Variants in PDE8A observed in about 807,000 individuals in gnomAD.
PDE8A encodes the protein phosphodiesterase 8A.
Under a neutral mutation model 105.0 loss-of-function variants are expected in PDE8A, and 59 were observed. The ratio of observed to expected loss-of-function variants is 0.56; its 90% CI spans 0.46 to 0.70. PDE8A has a LOEUF of 0.70. Ranked by LOEUF, PDE8A falls within the 30% of genes least tolerant of loss-of-function variation. The pLI, the probability that PDE8A is intolerant of heterozygous loss-of-function variation, is 0.00. For synonymous variants in PDE8A, 355 were observed against 371.9 expected (o/e 0.95, Z 0.52); for missense variants, 1,014 against 1,045.9 (o/e 0.97, Z 0.42).
In PDE8A at chr15:84,982,141, T is replaced by A; in HGVS notation, c.-22T>A. 4 of 1,305,688 alleles carry A rather than the reference T, an allele frequency of 3.1e-6. No individual in the cohort carries two copies. Among genetic ancestry groups the A allele is most frequent in the Non-Finnish European group, 3.9e-6 (4 of 1,030,854 alleles). The allele number at this position is 1,305,688 out of a possible 1,614,324, so 80.9% of individuals were successfully genotyped here. ...ACCGGATCGCGGCTACCCGCCAGCGTGTCCGCGGCGCCGCCGCCAGCATGG... is the reference window on the plus strand; with the variant it reads ...ACCGGATCGCGGCTACCCGCCAGCGAGTCCGCGGCGCCGCCGCCAGCATGG... On this transcript the variant is annotated 5_prime_UTR_variant, in exon 1 of 22. Transcript: ENST00000394553.
Position 85,089,433 on chromosome 15 carries a change from A to T in PDE8A, c.714+17A>T. 7.0e-7 allele frequency: 1 copy of T among 1,420,618 alleles called. No homozygotes were observed. Among genetic ancestry groups the T allele is most frequent in the Non-Finnish European group, 9.8e-7 (1 of 1,015,746 alleles). 88.0% of individuals were successfully genotyped at this position (1,420,618 alleles called of 1,614,324 possible). ...TTTATACAGGTTTGTTATTTTGGAA[A>T]TCTGTCTTTCTGGATTTCTTGTTTT... is the stretch of plus-strand genomic sequence containing the variant. On this transcript the variant is annotated intron_variant, in intron 7 of 21. Transcript: ENST00000394553.
chr15:85,030,460 C>T (rs912123876), intron 1 of PDE8A, among the ~76,000 whole-genome samples: 4 of 152,084 alleles, frequency 2.6e-5, no homozygotes, highest in Non-Finnish European at 5.9e-5. Flanking sequence ...AATGTAGGAG[C>T]AGCTCTAAAA....
At chr15:85,101,959 T>C (rs1225904838) in intron 11 of PDE8A, among the ~76,000 whole-genome samples, 1 of 152,198 alleles carries the variant, frequency 6.6e-6, no homozygotes, top group Non-Finnish European at 1.5e-5. Flanking sequence ...AGATTTCTGT[T>C]GAGTACCTGC....
At chr15:85,045,085 T>A (rs2080866614) in intron 1 of PDE8A, among the ~76,000 whole-genome samples, 1 of 152,194 alleles carries the variant, frequency 6.6e-6, no homozygotes, top group African/African-American at 2.4e-5. Flanking sequence ...TGCCTGGTAC[T>A]CCTTCCTCCA....
chr15:85,098,890 G>C lies in PDE8A; in HGVS notation c.941+854G>C, dbSNP rs115060533. On this transcript the variant is annotated intron_variant, in intron 9 of 21. Transcript: ENST00000394553. ...GAGAATCGCTTGATCTTGGGAGGTC[G>C]AGGCTGCAGTGAGCTATGATCATGC... Among the ~76,000 whole-genome samples, 874 of 152,042 alleles carry C rather than the reference G, an allele frequency of 5.7e-3. 7 individuals carry two copies. The highest frequency in any genetic ancestry group is 0.02 in the African/African-American group (842 of 41,510).
intron 1 of PDE8A, among the ~76,000 whole-genome samples, chr15:85,053,203 A>G (rs1451348689): frequency 6.6e-6 from 1 of 152,172 alleles, no homozygotes; most frequent in African/African-American, 2.4e-5. Context: ...TACCAGTACC[A>G]TGCTGTTTTG....
At chr15:85,083,115 C>G (rs1242401289) in intron 5 of PDE8A, among the ~76,000 whole-genome samples, 1 of 152,204 alleles carries the variant, frequency 6.6e-6, no homozygotes, top group East Asian at 1.9e-4. Flanking sequence ...AATAGAAATG[C>G]AAGTATATTT....
At chr15:85,013,426 A>G (rs1344649603) in intron 1 of PDE8A, among the ~76,000 whole-genome samples, 1 of 152,218 alleles carries the variant, frequency 6.6e-6, no homozygotes, top group East Asian at 1.9e-4. Flanking sequence ...AATGTGATAA[A>G]TGATACTTTT....
chr15:85,055,393 T>G (rs1200191256), intron 1 of PDE8A, among the ~76,000 whole-genome samples: 2 of 152,214 alleles, frequency 1.3e-5, no homozygotes, highest in Non-Finnish European at 2.9e-5. Context: ...TTGATCTGTC[T>G]AATGTTGACA....
rs1191564439 is a variant in PDE8A, at chr15:85,113,416, A to G, written c.1154A>G (p.His385Arg). 3 of 1,614,038 alleles carry G rather than the reference A, an allele frequency of 1.9e-6. No individual in the cohort carries two copies. The highest frequency in any genetic ancestry group is 1.6e-4 in the Middle Eastern group (1 of 6,084). Residue 385 changes from histidine to arginine, a missense_variant, in exon 13 of 22, where the codon CAT (histidine) becomes CGT (arginine). Coordinates refer to ENST00000394553, the MANE Select transcript of PDE8A (RefSeq NM_002605.3). ...QRRHSSMARI[H>R]SMTIEAPITK... ...CGACACTCTTCCATGGCCCGGATAC[A>G]TTCCATGACAATTGAGGCGCCCATC...
chr15:85,058,551 G>A (rs1341755387), intron 1 of PDE8A, among the ~76,000 whole-genome samples: 1 of 152,098 alleles, frequency 6.6e-6, no homozygotes, highest in Non-Finnish European at 1.5e-5. Flanking sequence ...TTTGTTGGGG[G>A]ATTTTTGATT....
chr15:85,034,525 G>C (rs1596460873), intron 1 of PDE8A, among the ~76,000 whole-genome samples: 1 of 152,118 alleles, frequency 6.6e-6, no homozygotes, highest in East Asian at 1.9e-4. Context: ...GAAGATTGTA[G>C]GTAAAGTAAG....
chr15:84,991,829 T>C (rs960954561), intron 1 of PDE8A, among the ~76,000 whole-genome samples: 2 of 152,158 alleles, frequency 1.3e-5, no homozygotes, highest in African/African-American at 4.8e-5. Context: ...CATCAAAAAA[T>C]CTGTAAGTTA....
chr15:85,106,463 G>T lies in PDE8A; in HGVS notation c.1037-2590G>T, dbSNP rs750181773. On this transcript the variant is annotated intron_variant, in intron 11 of 21. Coordinates refer to ENST00000394553, the MANE Select transcript of PDE8A (RefSeq NM_002605.3). ...AGGGCATCACACATGGTGGGTGAAG[G>T]TTTGTTGAGTGGAATAAAAGAGAGA... Among the ~76,000 whole-genome samples the T allele has an allele frequency of 2.7e-5, 4 of 150,434 alleles. No homozygotes were observed. The South Asian group carries it at 8.3e-4, about 31-fold the overall frequency.
chr15:85,118,551 A>C (rs1459543542), intron 17 of PDE8A, among the ~76,000 whole-genome samples: 1 of 152,152 alleles, frequency 6.6e-6, no homozygotes, highest in African/African-American at 2.4e-5. Context: ...AGCATACCTG[A>C]TATTGTCATT....
intron 1 of PDE8A, among the ~76,000 whole-genome samples, chr15:84,999,333 C>A (rs1042042702): frequency 2.6e-5 from 4 of 151,992 alleles, no homozygotes; most frequent in African/African-American, 9.7e-5. Flanking sequence ...GTTGGCCAGG[C>A]CTGGTCTTTG....
intron 1 of PDE8A, among the ~76,000 whole-genome samples, chr15:85,008,120 T>A (rs977597692): frequency 6.6e-6 from 1 of 151,932 alleles, no homozygotes; most frequent in Non-Finnish European, 1.5e-5. Flanking sequence ...CCTCAGGGTA[T>A]CTAGGAGTGA....
intron 7 of PDE8A, among the ~76,000 whole-genome samples, chr15:85,089,880 G>A (rs1246083275): frequency 6.6e-6 from 1 of 152,158 alleles, no homozygotes; most frequent in Non-Finnish European, 1.5e-5. Flanking sequence ...AGTAAGTGCT[G>A]AATAAATTAC....
chr15:85,100,400 C>T, intron 11 of PDE8A: 1 of 587,704 alleles, frequency 1.7e-6, no homozygotes, highest in Non-Finnish European at 3.0e-6. Flanking sequence ...GATGGGTGCC[C>T]TGGGGCGGGT....
Sources: allele counts gnomAD v4.1 joint callset (sites outside exome capture counted in the v4.1 genomes callset), GRCh38; gene constraint gnomAD v4.1.1; transcripts MANE v1.5; gene names NCBI Gene and HGNC (gene_info 2026-07-23, HGNC 2026-07-21).